The following RTF2 variants were observed in gnomAD, a reference collection of about 807,000 sequenced individuals.
RTF2 encodes replication termination factor 2.
Under a neutral mutation model 38.0 loss-of-function variants are expected in RTF2, and 18 were observed. The observed-to-expected ratio is 0.47, with a 90% CI of 0.33 to 0.70. RTF2 has a LOEUF of 0.70. Ranked by LOEUF, RTF2 falls within the 30% of genes least tolerant of loss-of-function variation. RTF2 has a pLI of 0.02. For missense variants in RTF2, 311 were observed against 379.6 expected (o/e 0.82, Z 1.50); for synonymous variants, 126 against 137.1 (o/e 0.92, Z 0.57).
chr20:56,469,083 G>A (rs1231319093), intron 1 of RTF2, among the ~76,000 whole-genome samples: 1 of 152,178 alleles, frequency 6.6e-6, no homozygotes, highest in Non-Finnish European at 1.5e-5. Context: ...TGCAAAGCTA[G>A]TAAATGGCAG....
intron 5 of RTF2, among the ~76,000 whole-genome samples, chr20:56,512,493 G>C (rs555970048): frequency 2.0e-5 from 3 of 152,134 alleles, no homozygotes; most frequent in Non-Finnish European, 4.4e-5. Flanking sequence ...CTGCAGAGGT[G>C]GCTCACTCAC....
At chr20:56,475,681 T>C (rs563794966) in intron 3 of RTF2, among the ~76,000 whole-genome samples, 1 of 152,282 alleles carries the variant, frequency 6.6e-6, no homozygotes, top group East Asian at 1.9e-4. Flanking sequence ...TGGGTTTCCA[T>C]GTGCACATGT....
At chr20:56,504,166 G>A (rs971114937) in intron 5 of RTF2, 1 of 152,248 alleles carries the variant, frequency 6.6e-6, no homozygotes, top group African/African-American at 2.4e-5. Flanking sequence ...TCAGTCACTT[G>A]AGTAGAGTTG....
At chr20:56,513,737 C>T (rs1368895614) in intron 6 of RTF2, 3 of 281,812 alleles carry the variant, frequency 1.1e-5, no homozygotes, top group African/African-American at 4.2e-5. Flanking sequence ...GACACTGACA[C>T]GGCCTCAGCA....
chr20:56,495,172 T>G, intron 5 of RTF2: 2 of 1,491,944 alleles, frequency 1.3e-6, no homozygotes, highest in Non-Finnish European at 1.8e-6. Flanking sequence ...ATTTGAAGCC[T>G]TTTTTGTTTT....
At chr20:56,486,896 C>T (rs556320162) in intron 5 of RTF2, among the ~76,000 whole-genome samples, 15 of 152,080 alleles carry the variant, frequency 9.9e-5, no homozygotes, top group Non-Finnish European at 1.6e-4. Flanking sequence ...CAGGTGTGAT[C>T]GAGGCCTGGT....
intron 4 of RTF2, 58 bp downstream of exon 4, chr20:56,477,182 G>T: frequency 6.3e-7 from 1 of 1,587,686 alleles, no homozygotes; most frequent in Non-Finnish European, 8.6e-7. Context: ...TGCCGGTTTT[G>T]GTGGCAGTGG....
chr20:56,477,826 G>GTCA (rs1451489691), intron 4 of RTF2, among the ~76,000 whole-genome samples: 2 of 152,226 alleles, frequency 1.3e-5, no homozygotes, highest in Non-Finnish European at 2.9e-5. Flanking sequence ...AAGTTATGCA[G>GTCA]TAACAGGCAG....
At chr20:56,512,622 C>T (rs146537456) in intron 5 of RTF2, among the ~76,000 whole-genome samples, 3 of 152,228 alleles carry the variant, frequency 2.0e-5, no homozygotes, top group South Asian at 2.1e-4. Flanking sequence ...GTGTGTTGGG[C>T]GCCCCCAAGG....
At chr20:56,492,549 G>A (rs750304250) in intron 5 of RTF2, among the ~76,000 whole-genome samples, 75 of 149,676 alleles carry the variant, frequency 5.0e-4, no homozygotes, top group Non-Finnish European at 9.1e-4. Context: ...GTGAGATCTC[G>A]TCTGTAATTT....
In RTF2 at chr20:56,473,744, C is replaced by T. The variant is rs533880361; in HGVS notation, c.164+349C>T. 4.4e-4 allele frequency among the ~76,000 whole-genome samples: 67 copies of T among 152,174 alleles called. No individual in the cohort carries two copies. The East Asian group carries it at 0.012, about 26-fold the overall frequency. ...ACAAAAAAATTAAATTAGCCAGGCA[C>T]CTGGTGGCTGGCATGATCCTGTAGT... On this transcript the variant is annotated intron_variant, in intron 2 of 8. Coordinates refer to ENST00000357348, the MANE Select transcript of RTF2 (RefSeq NM_016407.5).
chr20:56,479,005 A>G (rs1319874311), intron 4 of RTF2, among the ~76,000 whole-genome samples: 2 of 152,200 alleles, frequency 1.3e-5, no homozygotes, highest in Non-Finnish European at 2.9e-5. Flanking sequence ...GCAACTCTTC[A>G]TCCATTTGGG....
At chr20:56,509,242 T>A (rs1339825498) in intron 5 of RTF2, among the ~76,000 whole-genome samples, 1 of 152,150 alleles carries the variant, frequency 6.6e-6, no homozygotes, top group Non-Finnish European at 1.5e-5. Context: ...GAAAAGATGC[T>A]TAACATCTCT....
At chr20:56,474,573 CTT>C (rs759090158) in intron 2 of RTF2, 103 bp from the exon 3 acceptor site, 50 of 643,286 alleles carry the variant, frequency 7.8e-5, no homozygotes, top group Non-Finnish European at 1.2e-4. Flanking sequence ...GGGTATTTCT[CTT>C]ATCAAATGTA....
intron 5 of RTF2, chr20:56,497,722 A>T: frequency 1.5e-6 from 1 of 689,142 alleles, no homozygotes; most frequent in East Asian, 6.6e-5. Flanking sequence ...CCCCAACTTT[A>T]TTGAAATACA....
At chr20:56,502,437 A>G (rs1983982386) in intron 5 of RTF2, among the ~76,000 whole-genome samples, 1 of 152,170 alleles carries the variant, frequency 6.6e-6, no homozygotes, top group Non-Finnish European at 1.5e-5. Context: ...AAAAGTCAGC[A>G]ATATGGGTTT....
chr20:56,488,857 C>T (rs1408653280), intron 5 of RTF2, among the ~76,000 whole-genome samples: 2 of 152,160 alleles, frequency 1.3e-5, no homozygotes, highest in African/African-American at 2.4e-5. Flanking sequence ...CCTGGCCTGT[C>T]GCAGCTGCCT....
At chr20:56,502,923 G>A (rs1462435026) in intron 5 of RTF2, among the ~76,000 whole-genome samples, 5 of 152,190 alleles carry the variant, frequency 3.3e-5, no homozygotes, top group African/African-American at 1.2e-4. Context: ...AAGCTCCTGA[G>A]TGTCCATTTT....
At chr20:56,484,443 T>C (rs1255373606) in intron 5 of RTF2, among the ~76,000 whole-genome samples, 1 of 152,236 alleles carries the variant, frequency 6.6e-6, no homozygotes, top group Non-Finnish European at 1.5e-5. Flanking sequence ...CTAGCAGACC[T>C]GCTGTCCTGG....
Sources: gnomAD v4.1 joint callset for allele counts (sites outside exome capture counted in the v4.1 genomes callset) on GRCh38, gnomAD v4.1.1 for gene constraint, MANE v1.5 for transcripts, NCBI Gene and HGNC (gene_info 2026-07-23, HGNC 2026-07-21) for gene names.